AP3S1: variants seen among roughly 807,000 people sequenced by gnomAD.
AP3S1 encodes AP-3 complex subunit sigma-1.
In AP3S1, 12 loss-of-function variants were observed where a neutral mutation model predicts 21.3. That is an observed-to-expected ratio of 0.56 (90% CI 0.36 to 0.91). The LOEUF (loss-of-function observed/expected upper bound fraction) is 0.91. Ranked by LOEUF, AP3S1 falls within the 40% of genes least tolerant of loss-of-function variation. The probability of loss-of-function intolerance (pLI) is 0.01; values close to 1 mark genes in which losing one functional copy is unlikely to be tolerated. For synonymous variants in AP3S1, 48 were observed against 78.4 expected (o/e 0.61, Z 2.05); for missense variants, 116 against 225.0 (o/e 0.52, Z 3.10).
At chr5:115,895,410 G>C (rs1375235425) in intron 4 of AP3S1, among the ~76,000 whole-genome samples, 1 of 152,006 alleles carries the variant, frequency 6.6e-6, no homozygotes, top group Non-Finnish European at 1.5e-5. Context: ...CATGTTAATG[G>C]GGACACAGCT....
chr5:115,843,067 C>A (rs896996557), intron 1 of AP3S1, among the ~76,000 whole-genome samples: 1 of 152,094 alleles, frequency 6.6e-6, no homozygotes, highest in Admixed American at 6.5e-5. Flanking sequence ...TGTTGATGAT[C>A]GAGGAAGGGT....
intron 3 of AP3S1, among the ~76,000 whole-genome samples, chr5:115,880,735 G>T (rs1394313856): frequency 6.6e-6 from 1 of 152,162 alleles, no homozygotes; most frequent in Non-Finnish European, 1.5e-5. Context: ...CCACAGCTGA[G>T]TTGAAGTTCC....
chr5:115,867,973 TC>T (rs1747847168), intron 2 of AP3S1, among the ~76,000 whole-genome samples: 1 of 152,330 alleles, frequency 6.6e-6, no homozygotes, highest in Admixed American at 6.5e-5. Flanking sequence ...TCTAGTTTAA[TC>T]CTAGTTTTGT....
intron 5 of AP3S1, chr5:115,906,931 A>G (rs1267336254): frequency 6.3e-6 from 9 of 1,424,416 alleles, no homozygotes; most frequent in South Asian, 3.3e-5. Flanking sequence ...GCAATTAATT[A>G]TTTAGGCCAG....
chr5:115,861,758 G>A (rs1763203718), intron 1 of AP3S1, among the ~76,000 whole-genome samples: 1 of 151,836 alleles, frequency 6.6e-6, no homozygotes, highest in Non-Finnish European at 1.5e-5. Flanking sequence ...TGTTGACCAG[G>A]CTGGTCTTAA....
At chr5:115,909,237 A>T (rs1751907686) in intron 5 of AP3S1, among the ~76,000 whole-genome samples, 1 of 152,202 alleles carries the variant, frequency 6.6e-6, no homozygotes. Context: ...GGGTCTTCGA[A>T]ATACATTTTA....
chr5:115,853,159 T>C (rs1201387271), intron 1 of AP3S1: 3 of 355,062 alleles, frequency 8.4e-6, no homozygotes, highest in East Asian at 1.5e-4. Context: ...ATTTTTATTC[T>C]AGCTGTCCTG....
At chr5:115,890,484 G>T (rs1025365403) in intron 3 of AP3S1, among the ~76,000 whole-genome samples, 3 of 152,166 alleles carry the variant, frequency 2.0e-5, no homozygotes, top group Non-Finnish European at 2.9e-5. Flanking sequence ...TTGGGTATTG[G>T]TTACCTTTGA....
rs147514306 is a variant in AP3S1, at chr5:115,901,599, T to C, written c.346-1286T>C. On this transcript the variant is annotated intron_variant, in intron 4 of 5. Coordinates refer to ENST00000316788, the MANE Select transcript of AP3S1 (RefSeq NM_001284.4). ...AGGCAGGGTCTCACTCTGTTGCCCA[T>C]GCTAGAGTGCAGTAGTGTGATTTCA... is the stretch of plus-strand genomic sequence containing the variant. 6.5e-3 allele frequency among the ~76,000 whole-genome samples: 980 copies of C among 151,614 alleles called. 13 individuals are homozygous for C. The highest frequency in any genetic ancestry group is 0.023 in the African/African-American group (935 of 41,322).
chr5:115,846,876 G>T (rs1156605146), intron 1 of AP3S1, among the ~76,000 whole-genome samples: 2 of 152,090 alleles, frequency 1.3e-5, no homozygotes, highest in South Asian at 2.1e-4. Flanking sequence ...CATAAATTGG[G>T]TTTTATGTAG....
chr5:115,869,417 C>T (rs956748740), intron 2 of AP3S1, among the ~76,000 whole-genome samples: 4 of 152,140 alleles, frequency 2.6e-5, no homozygotes, highest in African/African-American at 9.7e-5. Context: ...ACAAATGCCC[C>T]ATGATCTAAT....
chr5:115,884,040 T>A (rs1334576897), intron 3 of AP3S1, among the ~76,000 whole-genome samples: 2 of 152,184 alleles, frequency 1.3e-5, no homozygotes, highest in African/African-American at 4.8e-5. Flanking sequence ...CTCCTCACTT[T>A]GCAGATTACC....
Position 115,858,930 on chromosome 5 carries a change from A to G in AP3S1, c.70-7740A>G, listed in dbSNP as rs545878810. 2.7e-3 allele frequency among the ~76,000 whole-genome samples: 414 copies of G among 150,902 alleles called. 3 individuals carry two copies. The highest frequency in any genetic ancestry group is 9.4e-3 in the African/African-American group (386 of 41,194). On this transcript the variant is annotated intron_variant, in intron 1 of 5. Transcript: ENST00000316788. ...ATTTTATGTTTAACTTTTTAAAAAA[A>G]TTTATTTATTTTTTATTTTTTATTT...
intron 2 of AP3S1, 135 bp from the exon 3 acceptor site, chr5:115,869,872 CTGAATAAGTT>C: frequency 2.1e-6 from 1 of 487,766 alleles, no homozygotes; most frequent in Non-Finnish European, 3.6e-6. Context: ...CACCTAGTCT[CTGAATAAGTT>C]CACTTAAATA....
chr5:115,849,156 G>A (rs572172362), intron 1 of AP3S1, among the ~76,000 whole-genome samples: 1 of 152,168 alleles, frequency 6.6e-6, no homozygotes, highest in Non-Finnish European at 1.5e-5. Context: ...TAAGTAAGAC[G>A]GATGTCACCC....
intron 1 of AP3S1, among the ~76,000 whole-genome samples, chr5:115,864,388 C>A (rs2080902): frequency 0.36 from 55,445 of 152,050 alleles, 10,633 homozygotes; most frequent in African/African-American, 0.45. Context: ...GAAGTGGTCA[C>A]CTTGCCCCCA....
At chr5:115,879,048 G>C (rs1049669509) in intron 3 of AP3S1, among the ~76,000 whole-genome samples, 1 of 152,150 alleles carries the variant, frequency 6.6e-6, no homozygotes, top group African/African-American at 2.4e-5. Context: ...CATTGGTTTT[G>C]TATCCTGAGA....
intron 3 of AP3S1, among the ~76,000 whole-genome samples, chr5:115,886,654 A>G (rs1049251756): frequency 2.0e-5 from 3 of 152,188 alleles, no homozygotes; most frequent in Admixed American, 6.5e-5. Context: ...TTAGTGAGTC[A>G]AAAGTTGTAC....
At chr5:115,899,753 T>A (rs1036096239) in intron 4 of AP3S1, among the ~76,000 whole-genome samples, 1 of 151,916 alleles carries the variant, frequency 6.6e-6, no homozygotes, top group Non-Finnish European at 1.5e-5. Context: ...AGCATAAGAC[T>A]GAAAGATAGA....
Sources: gnomAD v4.1 joint callset for allele counts (sites outside exome capture counted in the v4.1 genomes callset) on GRCh38, gnomAD v4.1.1 for gene constraint, MANE v1.5 for transcripts, NCBI Gene and HGNC (gene_info 2026-07-23, HGNC 2026-07-21) for gene names.